The following MIR2052HG variants were observed in gnomAD, a reference collection of about 807,000 sequenced individuals.
MIR2052HG encodes the protein MIR2052 host gene.
intron 2 of MIR2052HG, among the ~76,000 whole-genome samples, chr8:74,643,613 T>C (rs968303565): frequency 1.3e-4 from 20 of 152,212 alleles, no homozygotes; most frequent in African/African-American, 4.8e-4. Context: ...TCACTGTTTA[T>C]TTACTATAAT....
chr8:74,737,342 G>A (rs961948593), intron 4 of MIR2052HG, among the ~76,000 whole-genome samples: 2 of 152,282 alleles, frequency 1.3e-5, no homozygotes, highest in Non-Finnish European at 2.9e-5. Flanking sequence ...TTTGGCCCAG[G>A]AAGATTCTGT....
chr8:74,716,108 C>A (rs1192467358), intron 4 of MIR2052HG, among the ~76,000 whole-genome samples: 1 of 152,150 alleles, frequency 6.6e-6, no homozygotes, highest in Non-Finnish European at 1.5e-5. Flanking sequence ...CTGCTATGGA[C>A]AACTGGGGGC....
At chr8:74,734,729 C>T (rs1283397723) in intron 4 of MIR2052HG, among the ~76,000 whole-genome samples, 4 of 152,224 alleles carry the variant, frequency 2.6e-5, no homozygotes, top group African/African-American at 9.6e-5. Context: ...CAGAGCAGCC[C>T]TCGTTGTTGT....
intron 2 of MIR2052HG, among the ~76,000 whole-genome samples, chr8:74,652,703 CAT>C (rs1808765775): frequency 6.6e-6 from 1 of 152,132 alleles, no homozygotes; most frequent in South Asian, 2.1e-4. Flanking sequence ...TCACATAACA[CAT>C]ATCTATTTCT....
At chr8:74,602,193 C>T (rs905219774) in intron 1 of MIR2052HG, among the ~76,000 whole-genome samples, 6 of 152,190 alleles carry the variant, frequency 3.9e-5, no homozygotes, top group Non-Finnish European at 7.3e-5. Flanking sequence ...CCTGCCAAAA[C>T]CTTCCAAAAC....
At chr8:74,733,091 A>T (rs1031785647) in intron 4 of MIR2052HG, among the ~76,000 whole-genome samples, 8 of 144,244 alleles carry the variant, frequency 5.5e-5, no homozygotes, top group Non-Finnish European at 9.0e-5. Context: ...TATTTATTTT[A>T]TTATTATACT....
chr8:74,657,750 T>G (rs1202820801), intron 2 of MIR2052HG, among the ~76,000 whole-genome samples: 1 of 152,158 alleles, frequency 6.6e-6, no homozygotes, highest in African/African-American at 2.4e-5. Flanking sequence ...TTCACTATCA[T>G]GAGAACAGCA....
chr8:74,707,026 A>G (rs1373522817), intron 4 of MIR2052HG, among the ~76,000 whole-genome samples: 1 of 152,130 alleles, frequency 6.6e-6, no homozygotes, highest in African/African-American at 2.4e-5. Flanking sequence ...TGCATTTTCT[A>G]ATTATGGTGT....
At chr8:74,724,079 T>A (rs1436314339) in intron 4 of MIR2052HG, among the ~76,000 whole-genome samples, 3 of 152,228 alleles carry the variant, frequency 2.0e-5, no homozygotes, top group Non-Finnish European at 2.9e-5. Flanking sequence ...ATTATGCCTG[T>A]TTGTGTTTAA....
chr8:74,698,344 A>G (rs1038448139), intron 2 of MIR2052HG, among the ~76,000 whole-genome samples: 2 of 152,208 alleles, frequency 1.3e-5, no homozygotes, highest in African/African-American at 4.8e-5. Context: ...TTCACCTTAT[A>G]CAACAATCAA....
chr8:74,717,269 T>C (rs535094349), intron 4 of MIR2052HG, among the ~76,000 whole-genome samples: 4 of 152,284 alleles, frequency 2.6e-5, no homozygotes, highest in East Asian at 3.9e-4. Flanking sequence ...TGGTTTTCTG[T>C]TCCTGTGTTA....
intron 2 of MIR2052HG, among the ~76,000 whole-genome samples, chr8:74,696,230 C>G (rs1387635922): frequency 2.6e-5 from 4 of 151,970 alleles, no homozygotes. Flanking sequence ...ATCGTTGGAT[C>G]AATAATAAAT....
intron 4 of MIR2052HG, chr8:74,703,769 C>T: frequency 2.6e-6 from 1 of 383,012 alleles, no homozygotes; most frequent in Non-Finnish European, 5.2e-6. Flanking sequence ...TTCATACCAC[C>T]ATGAGTCTAG....
chr8:74,668,988 C>G (rs1808961744), intron 2 of MIR2052HG, among the ~76,000 whole-genome samples: 1 of 152,166 alleles, frequency 6.6e-6, no homozygotes, highest in African/African-American at 2.4e-5. Flanking sequence ...AACCTTCTCA[C>G]AATGAATTTC....
chr8:74,724,296 C>T (rs1487179000), intron 4 of MIR2052HG, among the ~76,000 whole-genome samples: 1 of 152,046 alleles, frequency 6.6e-6, no homozygotes, highest in Non-Finnish European at 1.5e-5. Context: ...TGCTTTCCTT[C>T]TACTGGCAAT....
At chr8:74,685,170 T>C (rs540621456) in intron 2 of MIR2052HG, among the ~76,000 whole-genome samples, 1 of 152,258 alleles carries the variant, frequency 6.6e-6, no homozygotes, top group African/African-American at 2.4e-5. Context: ...GAAGCATTTA[T>C]AAGATACACT....
At chr8:74,749,565 C>T (rs901220991) in intron 4 of MIR2052HG, among the ~76,000 whole-genome samples, 5 of 151,998 alleles carry the variant, frequency 3.3e-5, no homozygotes, top group African/African-American at 9.7e-5. Flanking sequence ...AAATAAGCTT[C>T]GTAAGCCAGG....
At chr8:74,732,051 T>C (rs1255710814) in intron 4 of MIR2052HG, among the ~76,000 whole-genome samples, 1 of 152,160 alleles carries the variant, frequency 6.6e-6, no homozygotes, top group Non-Finnish European at 1.5e-5. Flanking sequence ...GGGAAAGGAA[T>C]GCCAAGGAGA....
At chr8:74,600,173 G>GA (rs1807971858) in intron 1 of MIR2052HG, among the ~76,000 whole-genome samples, 1 of 152,164 alleles carries the variant, frequency 6.6e-6, no homozygotes, top group African/African-American at 2.4e-5. Context: ...TGGAAATGCA[G>GA]AAATCACCCT....
Sources: gnomAD v4.1 joint callset for allele counts (sites outside exome capture counted in the v4.1 genomes callset) on GRCh38, gnomAD v4.1.1 for gene constraint, MANE v1.5 for transcripts, NCBI Gene and HGNC (gene_info 2026-07-23, HGNC 2026-07-21) for gene names.